The following BANK1 variants were observed in gnomAD, a reference collection of about 807,000 sequenced individuals.
BANK1 encodes the protein B cell scaffold protein with ankyrin repeats 1, also known as B-cell scaffold protein with ankyrin repeats.
BANK1 carries 95 observed loss-of-function variants against 94.5 expected under a neutral mutation model. That is an observed-to-expected ratio of 1.00 (90% CI 0.85 to 1.19). The LOEUF is 1.19. BANK1 is among the 50% of genes most tolerant of loss of function. BANK1 has a pLI of 0.00. For synonymous variants in BANK1, 334 were observed against 308.4 expected, an observed-to-expected ratio of 1.08 and a Z score of -0.87; for missense variants, 987 against 932.2, an observed-to-expected ratio of 1.06 and a Z score of -0.77.
intron 7 of BANK1, among the ~76,000 whole-genome samples, chr4:101,937,891 A>G (rs1723622610): frequency 6.6e-6 from 1 of 151,960 alleles, no homozygotes; most frequent in African/African-American, 2.4e-5. Context: ...CATATACACC[A>G]TGGAATACTA....
intron 5 of BANK1, among the ~76,000 whole-genome samples, 159 bp from the exon 6 acceptor site, chr4:101,895,146 G>C (rs1219910191): frequency 6.6e-6 from 1 of 151,530 alleles, no homozygotes; most frequent in Non-Finnish European, 1.5e-5. Flanking sequence ...TTTAGGCAAG[G>C]CCCTTATGTT....
At chr4:101,950,048 T>TGCGCGC (rs1364257183) in intron 7 of BANK1, among the ~76,000 whole-genome samples, 25 of 139,594 alleles carry the variant, frequency 1.8e-4, no homozygotes, top group Admixed American at 1.5e-3. Flanking sequence ...TGTGTGTGTG[T>TGCGCGC]GTGTGTGTGT....
At chr4:101,893,219 T>C (rs1560620068) in intron 5 of BANK1, among the ~76,000 whole-genome samples, 1 of 152,046 alleles carries the variant, frequency 6.6e-6, no homozygotes, top group Non-Finnish European at 1.5e-5. Context: ...TAAAGTGCTG[T>C]GGTACCCTCC....
At chr4:101,812,162 A>G (rs1725751209) in intron 1 of BANK1, among the ~76,000 whole-genome samples, 1 of 151,946 alleles carries the variant, frequency 6.6e-6, no homozygotes, top group African/African-American at 2.4e-5. Flanking sequence ...ATGTTAAGGT[A>G]ATGAAGATTA....
At chr4:101,981,123 A>G (rs1163360166) in intron 7 of BANK1, among the ~76,000 whole-genome samples, 4 of 152,082 alleles carry the variant, frequency 2.6e-5, no homozygotes, top group Admixed American at 6.6e-5. Context: ...AATAGTTGAT[A>G]GTGGGCATCC....
chr4:101,862,745 C>T, intron 4 of BANK1, 81 bp downstream of exon 4: 2 of 1,347,800 alleles, frequency 1.5e-6, no homozygotes, highest in Non-Finnish European at 2.0e-6. Context: ...GGTTTCACTT[C>T]CTTACAAAAA....
chr4:101,928,701 A>G (rs1452837847), intron 7 of BANK1, among the ~76,000 whole-genome samples: 1 of 151,648 alleles, frequency 6.6e-6, no homozygotes, highest in Non-Finnish European at 1.5e-5. Context: ...TCAATCTTGA[A>G]TTTGAAGGGG....
At position 101,829,872 on chromosome 4, in the gene BANK1, A is replaced by C; in HGVS notation, c.135A>C (p.Thr45=). 6.2e-7 allele frequency: 1 copy of C among 1,611,642 alleles called. No individual in the cohort carries two copies. The highest frequency in any genetic ancestry group is 8.5e-7 in the Non-Finnish European group (1 of 1,178,242). ...CTGAGGAATGGGCTCTGTACTTGAC[A>C]GAAGTATTTTTACATGTTGTGAAAA... ...EDAEEWALYL[T]EVFLHVVKRE... Residue 45 remains threonine, a synonymous_variant, in exon 2 of 17, where the codon ACA becomes ACC. Transcript: ENST00000322953.
intron 13 of BANK1, among the ~76,000 whole-genome samples, chr4:102,066,009 A>G (rs1728579557): frequency 6.6e-6 from 1 of 152,188 alleles, no homozygotes; most frequent in African/African-American, 2.4e-5. Flanking sequence ...TTTTTAAAAA[A>G]TGATGACCAA....
intron 7 of BANK1, among the ~76,000 whole-genome samples, chr4:101,934,762 T>C (rs1169036696): frequency 6.6e-6 from 1 of 151,584 alleles, no homozygotes; most frequent in Non-Finnish European, 1.5e-5. Flanking sequence ...AGCACTATTA[T>C]GACTGCGCTG....
chr4:101,933,590 T>C (rs1314608148), intron 7 of BANK1, among the ~76,000 whole-genome samples: 4 of 151,602 alleles, frequency 2.6e-5, no homozygotes, highest in Admixed American at 2.0e-4. Flanking sequence ...TAATTTAGCA[T>C]ATATAATGTT....
intron 7 of BANK1, among the ~76,000 whole-genome samples, chr4:101,959,573 A>G (rs868198347): frequency 2.0e-5 from 3 of 152,250 alleles, no homozygotes; most frequent in South Asian, 4.1e-4. Flanking sequence ...AATAGTGGCA[A>G]TATCCATGCA....
At chr4:101,901,099 C>T (rs906230956) in intron 6 of BANK1, among the ~76,000 whole-genome samples, 2 of 152,132 alleles carry the variant, frequency 1.3e-5, no homozygotes, top group Non-Finnish European at 2.9e-5. Context: ...TACACAACAC[C>T]ATCCATTAAT....
intron 1 of BANK1, among the ~76,000 whole-genome samples, chr4:101,799,403 C>T (rs557613798): frequency 1.2e-4 from 19 of 152,286 alleles, no homozygotes; most frequent in African/African-American, 3.1e-4. Flanking sequence ...CATGATGCCT[C>T]CAATTTTGTT....
intron 7 of BANK1, among the ~76,000 whole-genome samples, chr4:101,989,337 A>G (rs551424358): frequency 1.3e-5 from 2 of 148,940 alleles, no homozygotes; most frequent in East Asian, 4.2e-4. Flanking sequence ...AGGCTGAGGC[A>G]GGAGAATCGC....
intron 7 of BANK1, among the ~76,000 whole-genome samples, chr4:101,973,510 G>A (rs1319540557): frequency 6.6e-6 from 1 of 152,008 alleles, no homozygotes; most frequent in African/African-American, 2.4e-5. Context: ...TACTGCCTTA[G>A]TCACTAAACT....
chr4:101,813,291 A>G (rs1725785384), intron 1 of BANK1, among the ~76,000 whole-genome samples: 1 of 152,194 alleles, frequency 6.6e-6, no homozygotes, highest in Admixed American at 6.5e-5. Context: ...AGTCACATGT[A>G]TTTGGTTCCT....
intron 7 of BANK1, among the ~76,000 whole-genome samples, chr4:101,971,174 A>G (rs147492108): frequency 2.6e-5 from 4 of 152,300 alleles, no homozygotes; most frequent in Non-Finnish European, 5.9e-5. Flanking sequence ...GCAATAAATA[A>G]TGCTAAAGGA....
intron 11 of BANK1, among the ~76,000 whole-genome samples, chr4:102,048,628 G>T (rs1727955510): frequency 2.0e-5 from 3 of 152,084 alleles, no homozygotes; most frequent in African/African-American, 7.2e-5. Flanking sequence ...TTTCTAAAGG[G>T]ACTAGACAAG....
Sources: gnomAD v4.1 joint callset for allele counts (sites outside exome capture counted in the v4.1 genomes callset) on GRCh38, gnomAD v4.1.1 for gene constraint, MANE v1.5 for transcripts, NCBI Gene and HGNC (gene_info 2026-07-23, HGNC 2026-07-21) for gene names.